The following AGBL1 variants were observed in gnomAD, a reference collection of about 807,000 sequenced individuals.
AGBL1 encodes the protein AGBL carboxypeptidase 1.
A neutral mutation model predicts 118.9 loss-of-function variants in AGBL1; 130 were observed. That is an observed-to-expected ratio of 1.09 (90% CI 0.95 to 1.26). AGBL1 has a LOEUF of 1.26. AGBL1 is among the 50% of genes most tolerant of loss of function. AGBL1 has a pLI of 0.00. For synonymous variants in AGBL1, 555 were observed against 478.9 expected (o/e 1.16, Z -2.08); for missense variants, 1,584 against 1,298.1 (o/e 1.22, Z -3.38).
rs550262474 is a variant in AGBL1, at chr15:86,752,837, A to T, written c.3158+78401A>T. On this transcript the variant is annotated intron_variant, in intron 22 of 22. Coordinates refer to ENST00000614907, the MANE Select transcript of AGBL1 (RefSeq NM_001386094.1). ...AAAGGAGTAGCTATTTATTTAGTAA[A>T]TGCATTTTCTGAACCAAAAATCAAG... Among the ~76,000 whole-genome samples the T allele has an allele frequency of 2.9e-3, 434 of 152,186 alleles. 3 individuals are homozygous for T. The highest frequency in any genetic ancestry group is 0.012 in the South Asian group (60 of 4,810).
intron 23 of AGBL1, among the ~76,000 whole-genome samples, chr15:86,921,208 C>T (rs1038382337): frequency 3.3e-5 from 5 of 152,126 alleles, no homozygotes; most frequent in Non-Finnish European, 5.9e-5. Flanking sequence ...GTTAAGCAGA[C>T]GAAGCTTTGT....
intron 1 of AGBL1, among the ~76,000 whole-genome samples, chr15:86,104,544 G>C (rs182855694): frequency 2.0e-5 from 3 of 152,206 alleles, no homozygotes; most frequent in African/African-American, 7.2e-5. Context: ...GGCTGTATGT[G>C]GGGGAGTCTT....
chr15:86,209,968 A>G (rs184256012), intron 5 of AGBL1, among the ~76,000 whole-genome samples: 25 of 152,174 alleles, frequency 1.6e-4, no homozygotes, highest in Non-Finnish European at 2.9e-4. Context: ...GTTCCTTTCC[A>G]TGTTTAGTGC....
intron 5 of AGBL1, among the ~76,000 whole-genome samples, chr15:86,215,541 A>G (rs16949477): frequency 0.013 from 1,949 of 152,200 alleles, 26 homozygotes; most frequent in East Asian, 0.07. Flanking sequence ...CCAGTGCTCA[A>G]TGTGGTGTTG....
chr15:86,792,371 T>A (rs1048211178), intron 22 of AGBL1, among the ~76,000 whole-genome samples: 1 of 152,186 alleles, frequency 6.6e-6, no homozygotes, highest in Admixed American at 6.5e-5. Flanking sequence ...TGATATAACC[T>A]GTTCATTGTC....
At chr15:86,551,321 G>C (rs192014755) in intron 20 of AGBL1, among the ~76,000 whole-genome samples, 1 of 151,862 alleles carries the variant, frequency 6.6e-6, no homozygotes, top group Non-Finnish European at 1.5e-5. Context: ...TTCTTAAAAC[G>C]GTCAACAAAA....
intron 23 of AGBL1, among the ~76,000 whole-genome samples, chr15:86,952,055 AC>A (rs1374527253): frequency 6.6e-6 from 1 of 151,950 alleles, no homozygotes. Flanking sequence ...ACATGGTGAA[AC>A]CCCGTCTCTA....
chr15:86,787,685 A>G (rs1165456603), intron 22 of AGBL1, among the ~76,000 whole-genome samples: 2 of 152,154 alleles, frequency 1.3e-5, no homozygotes, highest in Non-Finnish European at 2.9e-5. Flanking sequence ...ATAGTCCTCC[A>G]ATGAACATGA....
chr15:86,341,741 T>G (rs1366779356), intron 17 of AGBL1, among the ~76,000 whole-genome samples: 1 of 152,124 alleles, frequency 6.6e-6, no homozygotes, highest in East Asian at 1.9e-4. Flanking sequence ...TTGCCCAAAC[T>G]CAGGAGGGCC....
At chr15:86,975,168 T>G (rs1010476979) in intron 23 of AGBL1, among the ~76,000 whole-genome samples, 1 of 151,920 alleles carries the variant, frequency 6.6e-6, no homozygotes, top group African/African-American at 2.4e-5. Flanking sequence ...ATTAGTCTGT[T>G]CTCAAGCTGC....
intron 24 of AGBL1, among the ~76,000 whole-genome samples, chr15:86,995,112 G>A (rs148877591): frequency 9.1e-4 from 138 of 152,258 alleles, no homozygotes; most frequent in African/African-American, 3.2e-3. Flanking sequence ...ACTGGGCTGG[G>A]CACAGTGGCT....
intron 17 of AGBL1, among the ~76,000 whole-genome samples, chr15:86,359,458 T>G (rs1472485213): frequency 1.3e-5 from 2 of 148,318 alleles, no homozygotes; most frequent in Admixed American, 6.8e-5. Context: ...GTAATATATT[T>G]TGAAACCTAG....
At chr15:86,776,490 A>G (rs969418199) in intron 22 of AGBL1, among the ~76,000 whole-genome samples, 2 of 151,388 alleles carry the variant, frequency 1.3e-5, no homozygotes, top group African/African-American at 2.4e-5. Context: ...CATTTTTTCT[A>G]TTCGTTGCTT....
At chr15:86,506,700 C>A (rs1324978870) in intron 18 of AGBL1, among the ~76,000 whole-genome samples, 2 of 152,030 alleles carry the variant, frequency 1.3e-5, no homozygotes, top group African/African-American at 4.8e-5. Context: ...AAGGAGAAAA[C>A]AACCCCTTCC....
intron 4 of AGBL1, among the ~76,000 whole-genome samples, chr15:86,157,053 G>T (rs907470122): frequency 6.6e-6 from 1 of 152,110 alleles, no homozygotes; most frequent in African/African-American, 2.4e-5. Flanking sequence ...GCCTCCCAAA[G>T]TGCTGAGATT....
At chr15:86,772,817 T>C (rs552960807) in intron 22 of AGBL1, among the ~76,000 whole-genome samples, 25 of 152,182 alleles carry the variant, frequency 1.6e-4, no homozygotes, top group African/African-American at 4.6e-4. Context: ...AGAAATACTT[T>C]GAAATTGAGC....
intron 21 of AGBL1, among the ~76,000 whole-genome samples, chr15:86,591,544 CACTT>C (rs1219861190): frequency 3.3e-5 from 5 of 152,142 alleles, no homozygotes; most frequent in Admixed American, 1.3e-4. Context: ...CTCACAGAAA[CACTT>C]ACTTGTGTTT....
At chr15:86,378,797 C>A (rs1429237735) in intron 17 of AGBL1, among the ~76,000 whole-genome samples, 1 of 152,136 alleles carries the variant, frequency 6.6e-6, no homozygotes, top group East Asian at 1.9e-4. Flanking sequence ...TCAGGGCAAC[C>A]AACTGCCCCA....
chr15:86,955,540 A>C (rs1282503124), intron 23 of AGBL1, among the ~76,000 whole-genome samples: 1 of 152,124 alleles, frequency 6.6e-6, no homozygotes, highest in Non-Finnish European at 1.5e-5. Flanking sequence ...GAAATCAAAA[A>C]ATGTAAAAAT....
Sources: gnomAD v4.1 joint callset for allele counts (sites outside exome capture counted in the v4.1 genomes callset) on GRCh38, gnomAD v4.1.1 for gene constraint, MANE v1.5 for transcripts, NCBI Gene and HGNC (gene_info 2026-07-23, HGNC 2026-07-21) for gene names.